Variants in PARD3B observed in about 807,000 individuals in gnomAD.
PARD3B encodes the protein partitioning defective 3 homolog B.
PARD3B carries 103 observed loss-of-function variants against 130.2 expected under a neutral mutation model. The observed-to-expected ratio is 0.79, with a 90% CI of 0.67 to 0.93. The LOEUF is 0.93. Ranked by LOEUF, PARD3B falls within the 40% of genes least tolerant of loss-of-function variation. The pLI is 0.00. For synonymous variants in PARD3B, 583 were observed against 553.2 expected (o/e 1.05, Z -0.76); for missense variants, 1,609 against 1,499.2 (o/e 1.07, Z -1.21).
chr2:204,860,494 G>A (rs2045139179), intron 2 of PARD3B, among the ~76,000 whole-genome samples: 1 of 152,186 alleles, frequency 6.6e-6, no homozygotes, highest in Admixed American at 6.5e-5. Flanking sequence ...GAGACTTTTG[G>A]CTACCAATGC....
At chr2:205,045,802 TATAC>T (rs1266091169) in intron 3 of PARD3B, among the ~76,000 whole-genome samples, 3 of 151,914 alleles carry the variant, frequency 2.0e-5, no homozygotes, top group African/African-American at 7.2e-5. Flanking sequence ...TATATATACA[TATAC>T]ATATATAAAC....
At chr2:205,226,504 T>C (rs922642613) in intron 15 of PARD3B, among the ~76,000 whole-genome samples, 3 of 152,194 alleles carry the variant, frequency 2.0e-5, no homozygotes, top group African/African-American at 7.2e-5. Flanking sequence ...TATATGTAAG[T>C]ATTTAATCCA....
At chr2:205,295,557 G>A (rs1258786549) in intron 16 of PARD3B, among the ~76,000 whole-genome samples, 5 of 152,146 alleles carry the variant, frequency 3.3e-5, no homozygotes, top group Admixed American at 6.6e-5. Context: ...TAATTACAAA[G>A]CTCTAGCTGG....
intron 2 of PARD3B, among the ~76,000 whole-genome samples, chr2:204,804,815 A>G (rs916972950): frequency 7.2e-5 from 11 of 152,202 alleles, no homozygotes; most frequent in African/African-American, 2.2e-4. Flanking sequence ...AAAACTAGAA[A>G]TCAATAATAA....
chr2:205,274,925 G>T lies in PARD3B; in HGVS notation c.2186-25605G>T, dbSNP rs1490001111. On this transcript the variant is annotated intron_variant, in intron 16 of 22. Coordinates refer to ENST00000406610, the MANE Select transcript of PARD3B (RefSeq NM_001302769.2). This position sits in a 1 kb window ranked among gnomAD's most constrained non-coding sequence, Gnocchi z 4.2. Reference sequence around the variant, plus strand: ...TATTCTTTCTTCAGCCAATTCCCATGTTTATCATTTCCTTAATTTTTATTG... The same window carrying T: ...TATTCTTTCTTCAGCCAATTCCCATTTTTATCATTTCCTTAATTTTTATTG... Among the ~76,000 whole-genome samples the T allele has an allele frequency of 6.6e-6, 1 of 152,112 alleles. No homozygotes were observed. The highest frequency in any genetic ancestry group is 1.5e-5 in the Non-Finnish European group (1 of 68,022).
chr2:205,151,895 G>C (rs1202418755), intron 10 of PARD3B, among the ~76,000 whole-genome samples: 1 of 152,160 alleles, frequency 6.6e-6, no homozygotes, highest in African/African-American at 2.4e-5. Context: ...GCAGTGGCTG[G>C]TACCAGTTGT....
intron 15 of PARD3B, among the ~76,000 whole-genome samples, chr2:205,208,438 T>G (rs1020486858): frequency 6.9e-5 from 10 of 144,790 alleles, no homozygotes; most frequent in Non-Finnish European, 1.3e-4. Flanking sequence ...TGTCCCTGTT[T>G]GCAGATGACA....
rs2054365947 is a variant in PARD3B, at chr2:205,590,947, A to G, written c.3261-24509A>G. On this transcript the variant is annotated intron_variant, in intron 22 of 22. Transcript: ENST00000406610. The surrounding 1 kb of genome is among the most constrained non-coding windows in gnomAD (Gnocchi z 4.1). ...CATCAGATAATCCCATATAAAGGAA[A>G]AAGACAAGAGAGACAAGAATTATGT... Among the ~76,000 whole-genome samples, 1 of 152,116 alleles carries G rather than the reference A, an allele frequency of 6.6e-6. No homozygotes were observed. The highest frequency in any genetic ancestry group is 1.5e-5 in the Non-Finnish European group (1 of 68,036).
intron 21 of PARD3B, among the ~76,000 whole-genome samples, chr2:205,543,545 GTGA>G (rs2106467195): frequency 6.6e-6 from 1 of 152,302 alleles, no homozygotes; most frequent in African/African-American, 2.4e-5. Flanking sequence ...CAGTAATTAT[GTGA>G]TCACTGCCAA....
At chr2:204,918,341 C>CT (rs1167954903) in intron 2 of PARD3B, among the ~76,000 whole-genome samples, 1 of 152,018 alleles carries the variant, frequency 6.6e-6, no homozygotes, top group African/African-American at 2.4e-5. Context: ...ATTGAAAATG[C>CT]TTTTTTTGGC....
intron 20 of PARD3B, among the ~76,000 whole-genome samples, chr2:205,483,385 C>T (rs975814271): frequency 6.6e-6 from 1 of 152,122 alleles, no homozygotes; most frequent in Non-Finnish European, 1.5e-5. Context: ...CCTGCCATGG[C>T]AGAAAGACAA....
intron 1 of PARD3B, among the ~76,000 whole-genome samples, chr2:204,604,614 G>C (rs551667515): frequency 6.6e-6 from 1 of 152,224 alleles, no homozygotes; most frequent in East Asian, 1.9e-4. Flanking sequence ...GCACCTGCAT[G>C]GTAGGATTTG....
chr2:204,829,426 G>T (rs1045110088), intron 2 of PARD3B, among the ~76,000 whole-genome samples: 5 of 152,172 alleles, frequency 3.3e-5, no homozygotes, highest in African/African-American at 1.2e-4. Context: ...CTTGTACTTT[G>T]TCTCCCTAAT....
chr2:205,107,317 G>C (rs1703297433), intron 5 of PARD3B, among the ~76,000 whole-genome samples: 1 of 152,108 alleles, frequency 6.6e-6, no homozygotes, highest in Non-Finnish European at 1.5e-5. Context: ...GATAAGTCTT[G>C]GGTTTGAGTA....
intron 10 of PARD3B, among the ~76,000 whole-genome samples, chr2:205,156,214 A>G (rs897453212): frequency 1.4e-5 from 2 of 143,090 alleles, no homozygotes; most frequent in African/African-American, 2.6e-5. Context: ...TTGAACAATG[A>G]GAACACATGG....
Position 204,805,577 on chromosome 2 carries a change from C to T in PARD3B, c.222+119295C>T, listed in dbSNP as rs1188247286. ...ACTCATTATTTGAGGCCAATATTGC[C>T]CTGATACCAAAAGCAGACAAATACA... On this transcript the variant is annotated intron_variant, in intron 2 of 22. Coordinates refer to ENST00000406610, the MANE Select transcript of PARD3B (RefSeq NM_001302769.2). 2.6e-5 allele frequency among the ~76,000 whole-genome samples: 4 copies of T among 152,008 alleles called. No individual in the cohort carries two copies. In the East Asian group the frequency reaches 7.7e-4, roughly 29 times the overall value.
At chr2:205,380,741 TTATA>T (rs1440727828) in intron 18 of PARD3B, among the ~76,000 whole-genome samples, 1 of 102,564 alleles carries the variant, frequency 9.8e-6, no homozygotes, top group African/African-American at 4.1e-5. Context: ...AGAATATACA[TTATA>T]TATACTATAT....
At position 205,458,957 on chromosome 2, in the gene PARD3B, C is replaced by G. The variant is rs143624265; in HGVS notation, c.3044+18285C>G. ...GGTAGTGTATTAGTTTACTCTTACTCCTAGAGGGTAACCTTTCTGTGATTC... is the reference window on the plus strand; with the variant it reads ...GGTAGTGTATTAGTTTACTCTTACTGCTAGAGGGTAACCTTTCTGTGATTC... On this transcript the variant is annotated intron_variant, in intron 20 of 22. Transcript: ENST00000406610. This position sits in a 1 kb window ranked among gnomAD's most constrained non-coding sequence, Gnocchi z 4.8. Among the ~76,000 whole-genome samples, 187 of 152,262 alleles carry G rather than the reference C, an allele frequency of 1.2e-3. 1 individual carries two copies. Among genetic ancestry groups the G allele is most frequent in the African/African-American group, 3.9e-3 (164 of 41,558 alleles).
At position 205,563,105 on chromosome 2, in the gene PARD3B, T is replaced by C. The variant is rs1311159492; in HGVS notation, c.3260+9702T>C. 1.3e-5 allele frequency among the ~76,000 whole-genome samples: 2 copies of C among 152,230 alleles called. No individual in the cohort carries two copies. Among genetic ancestry groups the C allele is most frequent in the East Asian group, 3.8e-4 (2 of 5,206 alleles). ...TCACCAAATGCATGAATACATGATATTATTCAACAGGAGTAATTAACAGTA... is the reference window on the plus strand; with the variant it reads ...TCACCAAATGCATGAATACATGATACTATTCAACAGGAGTAATTAACAGTA... On this transcript the variant is annotated intron_variant, in intron 22 of 22. Coordinates refer to ENST00000406610, the MANE Select transcript of PARD3B (RefSeq NM_001302769.2). This position sits in a 1 kb window ranked among gnomAD's most constrained non-coding sequence, Gnocchi z 4.2.
Sources: allele counts gnomAD v4.1 joint callset (sites outside exome capture counted in the v4.1 genomes callset), GRCh38; gene constraint gnomAD v4.1.1; non-coding constraint Gnocchi (gnomAD v3.1); transcripts MANE v1.5; gene names NCBI Gene and HGNC (gene_info 2026-07-23, HGNC 2026-07-21).